Variants in POLR1C observed in about 807,000 individuals in gnomAD.
The protein encoded by POLR1C is RNA polymerase I and III subunit C.
In POLR1C, 42 loss-of-function variants were observed where a neutral mutation model predicts 38.3. That is an observed-to-expected ratio of 1.10 (90% CI 0.86 to 1.42). POLR1C has a LOEUF of 1.42. Ranked by LOEUF, POLR1C falls within the 40% of genes most tolerant of loss-of-function variation. POLR1C has a pLI of 0.00. For missense variants in POLR1C, 507 were observed against 450.5 expected, an observed-to-expected ratio of 1.13 and a Z score of -1.14; for synonymous variants, 163 against 163.9, an observed-to-expected ratio of 0.99 and a Z score of 0.04.
At chr6:43,549,583 A>G (rs1348253476) in intron 9 of POLR1C, 2 of 1,612,108 alleles carry the variant, frequency 1.2e-6, no homozygotes. Flanking sequence ...GGGGGCCTGA[A>G]AAGAGACATT....
intron 9 of POLR1C, chr6:43,549,509 C>T (rs1300719719): frequency 6.2e-7 from 1 of 1,612,486 alleles, no homozygotes; most frequent in African/African-American, 1.3e-5. Flanking sequence ...TGGGGGTAGT[C>T]ACGACACATC....
chr6:43,556,071 CT>C, intron 10 of POLR1C: 1 of 1,457,516 alleles, frequency 6.9e-7, no homozygotes, highest in Non-Finnish European at 9.2e-7. Context: ...TTCAAAGGAA[CT>C]GTTTTGCAGA....
At chr6:43,523,713 A>C, downstream of POLR1C, 1 of 1,180,686 alleles carries the variant, frequency 8.5e-7, no homozygotes, top group Non-Finnish European at 1.3e-6. Flanking sequence ...CTGGTCCTGC[A>C]CAGGGCCTGT....
chr6:43,524,335 AGAGT>A, downstream of POLR1C: 2 of 1,227,278 alleles, frequency 1.6e-6, no homozygotes, highest in Non-Finnish European at 2.2e-6. Context: ...CTGGGCAACA[AGAGT>A]GAAACCCCAT....
chr6:43,536,194 C>G (rs560703418), intron 9 of POLR1C, among the ~76,000 whole-genome samples: 1 of 152,038 alleles, frequency 6.6e-6, no homozygotes, highest in East Asian at 1.9e-4. Context: ...GCAGACGGAT[C>G]ACCTGAGGTC....
intron 8 of POLR1C, chr6:43,526,696 G>A (rs1461357511): frequency 1.9e-6 from 3 of 1,613,950 alleles, no homozygotes; most frequent in South Asian, 2.2e-5. Context: ...GTCTCCATCT[G>A]CTGGGGGAGC....
At chr6:43,524,432 G>A, downstream of POLR1C, 1 of 1,594,718 alleles carries the variant, frequency 6.3e-7, no homozygotes, top group Non-Finnish European at 8.5e-7. Flanking sequence ...CATGATTTAA[G>A]AAGGGGGTTG....
downstream of POLR1C, among the ~76,000 whole-genome samples, chr6:43,531,940 G>A (rs1163870311): frequency 1.3e-5 from 2 of 152,176 alleles, no homozygotes; most frequent in African/African-American, 4.8e-5. Context: ...ACTAAGATGT[G>A]TAGCAGCTAA....
At chr6:43,548,582 T>A in intron 9 of POLR1C, 1 of 833,730 alleles carries the variant, frequency 1.2e-6, no homozygotes, top group Non-Finnish European at 1.7e-6. Flanking sequence ...CCTATAAGGT[T>A]ATTATTTGGT....
At chr6:43,549,181 C>G (rs1795109976) in intron 9 of POLR1C, among the ~76,000 whole-genome samples, 1 of 152,098 alleles carries the variant, frequency 6.6e-6, no homozygotes, top group Non-Finnish European at 1.5e-5. Flanking sequence ...CCTGCCTCAG[C>G]CTCCTGACTA....
At chr6:43,518,873 G>A (rs1792987915) in intron 2 of POLR1C, among the ~76,000 whole-genome samples, 1 of 152,086 alleles carries the variant, frequency 6.6e-6, no homozygotes. Context: ...GTAGAGACGG[G>A]GTTTCACCAT....
At chr6:43,518,116 G>C (rs1474213254) in intron 2 of POLR1C, among the ~76,000 whole-genome samples, 8 of 152,066 alleles carry the variant, frequency 5.3e-5, no homozygotes, top group Non-Finnish European at 1.2e-4. Flanking sequence ...GTGTGTCTTG[G>C]GCACTGTTGA....
exon 9 of POLR1C, chr6:43,529,378 T>TA (rs35493258): frequency 0.055 from 6,681 of 121,674 alleles, 410 homozygotes; most frequent in African/African-American, 0.18. Context: ...CCGTCTCTAC[T>TA]AAAAAAAAAA....
chr6:43,554,360 C>G (rs1332194004), intron 10 of POLR1C, among the ~76,000 whole-genome samples: 1 of 151,968 alleles, frequency 6.6e-6, no homozygotes, highest in Non-Finnish European at 1.5e-5. Flanking sequence ...ATCCACCCAC[C>G]TCAGCCTCCC....
At chr6:43,551,436 A>G in intron 10 of POLR1C, 4 of 1,613,154 alleles carry the variant, frequency 2.5e-6, no homozygotes, top group Non-Finnish European at 3.4e-6. Flanking sequence ...GCTCTATTCC[A>G]TCATTAACAG....
rs80010268 is a variant in POLR1C at position 43,549,357 on chromosome 6, C to A, written c.*5-1611C>A. ...GGGATTACAGGTGTGAGCCACCATG[C>A]CCGGCCAAGGATGCTTATATGATGC... On this transcript the variant is annotated intron_variant, in intron 9 of 10. Coordinates refer to the POLR1C transcript ENST00000607635. 21 of 860,154 alleles carry A rather than the reference C, an allele frequency of 2.4e-5. No homozygotes were observed. In the South Asian group the frequency reaches 4.1e-4, roughly 17 times the overall value. 53.3% of individuals were successfully genotyped at this position (860,154 alleles called of 1,614,324 possible). A position where few individuals can be genotyped will look rare whatever the true frequency, so the allele number is the denominator to read the frequency against.
At chr6:43,539,547 C>T (rs1005059479) in intron 9 of POLR1C, 9 of 1,391,456 alleles carry the variant, frequency 6.5e-6, no homozygotes, top group Non-Finnish European at 8.0e-6. Flanking sequence ...TTGGCCTTGC[C>T]TCCGCGAGCT....
intron 9 of POLR1C, among the ~76,000 whole-genome samples, chr6:43,550,502 T>A (rs747490276): frequency 3.3e-5 from 5 of 152,188 alleles, no homozygotes; most frequent in Admixed American, 6.5e-5. Flanking sequence ...TTTTCTCCAC[T>A]CCTCCAATGA....
intron 10 of POLR1C, chr6:43,553,510 A>C (rs1199367450): frequency 6.8e-7 from 1 of 1,460,434 alleles, no homozygotes; most frequent in African/African-American, 1.5e-5. Context: ...CAAGCTTTAA[A>C]ACACACACAC....
Sources: gnomAD v4.1 joint callset for allele counts (sites outside exome capture counted in the v4.1 genomes callset) on GRCh38, gnomAD v4.1.1 for gene constraint, MANE v1.5 for transcripts, NCBI Gene and HGNC (gene_info 2026-07-23, HGNC 2026-07-21) for gene names.